The following ATP1B3 variants were observed in gnomAD, a reference collection of about 807,000 sequenced individuals.
The protein encoded by ATP1B3 is sodium/potassium-transporting ATPase subunit beta-3.
In ATP1B3, 10 loss-of-function variants were observed where a neutral mutation model predicts 30.2. The ratio of observed to expected loss-of-function variants is 0.33; its 90% CI spans 0.20 to 0.56. ATP1B3 has a LOEUF of 0.56. ATP1B3 is among the 20% of genes least tolerant of loss of function. The pLI is 0.90. For missense variants in ATP1B3, 238 were observed against 336.7 expected, an observed-to-expected ratio of 0.71 and a Z score of 2.29; for synonymous variants, 113 against 117.0, an observed-to-expected ratio of 0.97 and a Z score of 0.22.
At chr3:141,888,037 T>A (rs773677210) in intron 1 of ATP1B3, among the ~76,000 whole-genome samples, 16 of 152,262 alleles carry the variant, frequency 1.1e-4, no homozygotes, top group Non-Finnish European at 1.6e-4. Flanking sequence ...ATTGGAGATT[T>A]GTGTATTTCA....
intron 3 of ATP1B3, among the ~76,000 whole-genome samples, chr3:141,910,326 T>TA (rs1934336987): frequency 6.6e-6 from 1 of 152,196 alleles, no homozygotes; most frequent in African/African-American, 2.4e-5. Flanking sequence ...AACTTTTTCT[T>TA]ACGGTGTTTT....
At position 141,924,962 on chromosome 3, in the gene ATP1B3, TTAA is replaced by T. The variant is rs762256554; in HGVS notation, c.670-558_670-556del. On this transcript the variant is annotated intron_variant, in intron 6 of 6. Coordinates refer to ENST00000286371, the MANE Select transcript of ATP1B3 (RefSeq NM_001679.4). The stretch of plus-strand genomic sequence containing the variant: ...AGCAAGACTCTGCCTCACAAAAAAA[TTAA>T]TAATAATAATGATAATAGGCCGGGT... Among the ~76,000 whole-genome samples the T allele has an allele frequency of 3.1e-4, 46 of 150,678 alleles. 1 individual carries two copies. Among genetic ancestry groups the T allele is most frequent in the African/African-American group, 8.8e-4 (36 of 41,034 alleles).
intron 1 of ATP1B3, among the ~76,000 whole-genome samples, chr3:141,889,873 T>G (rs944801807): frequency 1.3e-5 from 2 of 150,380 alleles, no homozygotes; most frequent in Non-Finnish European, 3.0e-5. Context: ...TGTACCAGTT[T>G]ATACTCCCAC....
intron 3 of ATP1B3, among the ~76,000 whole-genome samples, chr3:141,911,277 T>A (rs1934354695): frequency 1.3e-5 from 2 of 152,158 alleles, no homozygotes; most frequent in South Asian, 4.1e-4. Flanking sequence ...GGGTTTACTT[T>A]AATTTTCAAC....
At chr3:141,917,485 A>G (rs1352707767) in intron 5 of ATP1B3, among the ~76,000 whole-genome samples, 2 of 151,866 alleles carry the variant, frequency 1.3e-5, no homozygotes, top group Non-Finnish European at 2.9e-5. Flanking sequence ...CACGAGGTCA[A>G]GAGATCGAGA....
At chr3:141,883,655 G>A (rs758709742) in intron 1 of ATP1B3, among the ~76,000 whole-genome samples, 2 of 152,044 alleles carry the variant, frequency 1.3e-5, no homozygotes, top group Non-Finnish European at 2.9e-5. Flanking sequence ...TCTAACCCCT[G>A]GCCTGTCCTA....
chr3:141,913,220 G>A (rs1469335564), intron 3 of ATP1B3, among the ~76,000 whole-genome samples: 3 of 149,680 alleles, frequency 2.0e-5, no homozygotes, highest in Non-Finnish European at 4.4e-5. Context: ...TTTAGTGTAG[G>A]TTGTCATAAC....
Position 141,913,670 on chromosome 3 carries a change from A to G in ATP1B3, c.365A>G (p.Gln122Arg). The G allele has an allele frequency of 6.2e-7, 1 of 1,611,690 alleles. No individual in the cohort carries two copies. Among genetic ancestry groups the G allele is most frequent in the East Asian group, 2.2e-5 (1 of 44,844 alleles). Residue 122 changes from glutamine (Q) to arginine (R), a missense_variant, in exon 4 of 7, where the codon CAG becomes CGG. By Grantham distance (43) the Gln-to-Arg change is conservative. Transcript: ENST00000286371. Reference sequence around the variant, plus strand: ...TTTTTAGCATATACTTTAGAAGAACAGAAGAACCTCACAGTCTGTCCTGAT... The same window carrying G: ...TTTTTAGCATATACTTTAGAAGAACGGAAGAACCTCACAGTCTGTCCTGAT... ...KFLKPYTLEE[Q>R]KNLTVCPDGA...
chr3:141,917,726 C>G (rs1249371635), intron 5 of ATP1B3, among the ~76,000 whole-genome samples: 2 of 152,006 alleles, frequency 1.3e-5, no homozygotes, highest in East Asian at 3.9e-4. Flanking sequence ...CACTTAAAAC[C>G]AGATACCACA....
At position 141,916,071 on chromosome 3, in the gene ATP1B3, A is replaced by G. The variant is rs762744492; in HGVS notation, c.582+51A>G. On this transcript the variant is annotated intron_variant, in intron 5 of 6. Coordinates refer to ENST00000286371, the MANE Select transcript of ATP1B3 (RefSeq NM_001679.4). ...TTAAATCTTTGATGTTTCTTAAAAT[A>G]CTTTAAAAGTCTAATGATTTAGTCA... is the stretch of plus-strand genomic sequence containing the variant. The G allele has an allele frequency of 4.0e-6, 6 of 1,483,274 alleles. No individual in the cohort carries two copies. In the Admixed American group the frequency reaches 1.1e-4, roughly 27 times the overall value. 91.9% of individuals were successfully genotyped at this position (1,483,274 alleles called of 1,614,324 possible). A position where few individuals can be genotyped will look rare whatever the true frequency, so the allele number is the denominator to read the frequency against.
chr3:141,886,593 C>T lies in ATP1B3; in HGVS notation c.109+9683C>T, dbSNP rs530816841. On this transcript the variant is annotated intron_variant, in intron 1 of 6. Transcript: ENST00000286371. The stretch of plus-strand genomic sequence containing the variant: ...TTTACTTGATGCATCTCAGAATACA[C>T]CAGTATACTGAGAAGATGACCAGAT... Among the ~76,000 whole-genome samples, 9 of 152,252 alleles carry T rather than the reference C, an allele frequency of 5.9e-5. No homozygotes were observed. In the South Asian group the frequency reaches 1.5e-3, roughly 25 times the overall value.
At chr3:141,894,743 C>T (rs1235323309) in intron 1 of ATP1B3, among the ~76,000 whole-genome samples, 1 of 152,148 alleles carries the variant, frequency 6.6e-6, no homozygotes, top group East Asian at 1.9e-4. Flanking sequence ...ATGACAATGC[C>T]TTCTTCTGGA....
chr3:141,877,416 C>G (rs1232581765), intron 1 of ATP1B3: 2 of 152,290 alleles, frequency 1.3e-5, no homozygotes, highest in Admixed American at 1.3e-4. Flanking sequence ...GACTCGTCCA[C>G]GCTGCCACCC....
intron 3 of ATP1B3, among the ~76,000 whole-genome samples, chr3:141,913,168 C>A (rs1293766676): frequency 6.6e-6 from 1 of 151,986 alleles, no homozygotes; most frequent in Non-Finnish European, 1.5e-5. Context: ...TTCATTAACT[C>A]CCACATACCC....
chr3:141,908,801 A>T (rs1934307299), intron 3 of ATP1B3, among the ~76,000 whole-genome samples: 1 of 152,140 alleles, frequency 6.6e-6, no homozygotes, highest in African/African-American at 2.4e-5. Flanking sequence ...ATATAACCTG[A>T]TTTCTTGCTT....
At chr3:141,902,952 A>G (rs1307692165) in intron 1 of ATP1B3, 1 of 152,184 alleles carries the variant, frequency 6.6e-6, no homozygotes, top group Non-Finnish European at 1.5e-5. Context: ...ACAAATTTGC[A>G]TGTCATCCTT....
intron 5 of ATP1B3, among the ~76,000 whole-genome samples, chr3:141,919,193 G>T (rs965070751): frequency 6.6e-6 from 1 of 151,154 alleles, no homozygotes; most frequent in Non-Finnish European, 1.5e-5. Flanking sequence ...ATTTTGTCTT[G>T]TATTGATTTT....
chr3:141,915,211 A>G (rs1223545184), intron 4 of ATP1B3, among the ~76,000 whole-genome samples: 2 of 152,206 alleles, frequency 1.3e-5, no homozygotes, highest in Non-Finnish European at 2.9e-5. Context: ...GACTCAGGGC[A>G]TGGCTTTGTC....
chr3:141,912,437 A>G (rs1393760906), intron 3 of ATP1B3, among the ~76,000 whole-genome samples: 1 of 151,878 alleles, frequency 6.6e-6, no homozygotes, highest in Non-Finnish European at 1.5e-5. Context: ...TTTTTTGTGT[A>G]TTTTTAGTAG....
Sources: gnomAD v4.1 joint callset for allele counts (sites outside exome capture counted in the v4.1 genomes callset) on GRCh38, gnomAD v4.1.1 for gene constraint, MANE v1.5 for transcripts, NCBI Gene and HGNC (gene_info 2026-07-23, HGNC 2026-07-21) for gene names.